Variants in MLLT3 observed in about 807,000 individuals in gnomAD.
MLLT3 encodes MLLT3 super elongation complex subunit.
Under a neutral mutation model 53.2 loss-of-function variants are expected in MLLT3, and 4 were observed. The ratio of observed to expected loss-of-function variants is 0.08; its 90% CI spans 0.04 to 0.17. MLLT3 has a LOEUF of 0.17. Among genes scored for constraint, MLLT3 ranks in the 10% least tolerant of loss-of-function variants. The pLI is 1.00. For missense variants in MLLT3, 569 were observed against 684.0 expected (o/e 0.83, Z 1.87); for synonymous variants, 283 against 230.6 (o/e 1.23, Z -2.06).
intron 2 of MLLT3, among the ~76,000 whole-genome samples, chr9:20,551,973 T>C: frequency 6.6e-6 from 1 of 152,146 alleles, no homozygotes; most frequent in East Asian, 1.9e-4. Context: ...AAATCAACAA[T>C]TACACTTGCT....
intron 2 of MLLT3, among the ~76,000 whole-genome samples, chr9:20,551,614 A>ATC (rs1371872313): frequency 6.6e-6 from 1 of 152,224 alleles, no homozygotes; most frequent in Admixed American, 6.5e-5. Context: ...GAAAGTGCTG[A>ATC]AATTCCAGAA....
chr9:20,605,549 A>G (rs552531599), intron 2 of MLLT3, among the ~76,000 whole-genome samples: 1 of 152,166 alleles, frequency 6.6e-6, no homozygotes, highest in African/African-American at 2.4e-5. Context: ...GTGGGAATAG[A>G]TATGACACAA....
At chr9:20,478,726 T>TCAA (rs1228639425) in intron 2 of MLLT3, among the ~76,000 whole-genome samples, 2 of 152,148 alleles carry the variant, frequency 1.3e-5, no homozygotes, top group Non-Finnish European at 2.9e-5. Context: ...CCGGGGCAAG[T>TCAA]CATTTTAACC....
At chr9:20,495,481 A>C (rs952414770) in intron 2 of MLLT3, among the ~76,000 whole-genome samples, 1 of 152,224 alleles carries the variant, frequency 6.6e-6, no homozygotes, top group African/African-American at 2.4e-5. Context: ...AAAAATCTAC[A>C]GTCAGCAATG....
chr9:20,563,107 G>T (rs960537234), intron 2 of MLLT3, among the ~76,000 whole-genome samples: 1 of 152,084 alleles, frequency 6.6e-6, no homozygotes, highest in Non-Finnish European at 1.5e-5. Flanking sequence ...GCTGGGGAAA[G>T]TTTCCAAGAA....
intron 3 of MLLT3, among the ~76,000 whole-genome samples, chr9:20,456,144 G>C (rs766928363): frequency 6.6e-6 from 1 of 151,884 alleles, no homozygotes; most frequent in African/African-American, 2.4e-5. Context: ...TCACCATGTT[G>C]GCCAGGCTGG....
chr9:20,426,770 C>T (rs889694544), intron 4 of MLLT3, among the ~76,000 whole-genome samples: 2 of 151,816 alleles, frequency 1.3e-5, no homozygotes, highest in African/African-American at 4.8e-5. Flanking sequence ...AACTTCATTG[C>T]TGGGCCGTTA....
intron 4 of MLLT3, among the ~76,000 whole-genome samples, chr9:20,418,788 G>A (rs183276460): frequency 1.3e-5 from 2 of 152,184 alleles, no homozygotes; most frequent in Admixed American, 1.3e-4. Flanking sequence ...CCAGCTTCCA[G>A]GAGAGTTTCA....
At chr9:20,526,111 A>G (rs1198928003) in intron 2 of MLLT3, among the ~76,000 whole-genome samples, 1 of 152,232 alleles carries the variant, frequency 6.6e-6, no homozygotes, top group Admixed American at 6.5e-5. Context: ...ACGTAAAACC[A>G]AAAGATGTGT....
At chr9:20,561,698 G>T (rs564236367) in intron 2 of MLLT3, among the ~76,000 whole-genome samples, 1 of 152,074 alleles carries the variant, frequency 6.6e-6, no homozygotes, top group African/African-American at 2.4e-5. Context: ...ATCTCCACAC[G>T]ACTCAAAGTT....
chr9:20,418,844 A>T (rs1204730837), intron 4 of MLLT3, among the ~76,000 whole-genome samples: 1 of 152,190 alleles, frequency 6.6e-6, no homozygotes, highest in Non-Finnish European at 1.5e-5. Flanking sequence ...AAGGCACTTG[A>T]TACAGGAGGA....
At chr9:20,509,001 C>T (rs951525263) in intron 2 of MLLT3, among the ~76,000 whole-genome samples, 1 of 152,184 alleles carries the variant, frequency 6.6e-6, no homozygotes, top group African/African-American at 2.4e-5. Context: ...CAAGGAATTA[C>T]AGGTCAATGT....
intron 2 of MLLT3, among the ~76,000 whole-genome samples, chr9:20,473,779 G>T (rs1446085117): frequency 2.6e-5 from 4 of 151,948 alleles, no homozygotes; most frequent in African/African-American, 9.7e-5. Flanking sequence ...AAAAAACAAA[G>T]TAGCTGCAGA....
At chr9:20,478,140 C>G (rs3893394) in intron 2 of MLLT3, among the ~76,000 whole-genome samples, 32,999 of 151,976 alleles carry the variant, frequency 0.22, 3,718 homozygotes, top group South Asian at 0.25. Flanking sequence ...TCCTTTGCAA[C>G]TGCTTGGTGA....
intron 4 of MLLT3, among the ~76,000 whole-genome samples, chr9:20,429,912 T>C (rs1417303683): frequency 6.6e-6 from 1 of 152,166 alleles, no homozygotes; most frequent in Admixed American, 6.5e-5. Flanking sequence ...AACTCAGGAC[T>C]GCAAAATGCA....
At chr9:20,611,898 G>A (rs146108651) in intron 2 of MLLT3, among the ~76,000 whole-genome samples, 1 of 152,200 alleles carries the variant, frequency 6.6e-6, no homozygotes, top group East Asian at 1.9e-4. Context: ...GTGAATTGGG[G>A]ACAAAATATC....
At chr9:20,422,375 CA>C (rs1488004984) in intron 4 of MLLT3, among the ~76,000 whole-genome samples, 6 of 152,118 alleles carry the variant, frequency 3.9e-5, no homozygotes, top group Non-Finnish European at 7.4e-5. Flanking sequence ...ATAATAAAGC[CA>C]TTTCTAGACC....
chr9:20,401,898 T>A (rs1401245798), intron 5 of MLLT3, among the ~76,000 whole-genome samples: 4 of 152,222 alleles, frequency 2.6e-5, no homozygotes, highest in Non-Finnish European at 5.9e-5. Context: ...TAGAATATGT[T>A]GTACCTGGGT....
chr9:20,343,182 G>GA lies in MLLT3; in HGVS notation c.*3260_*3261insT, dbSNP rs1820778876. ...TTAGGTGGGCCTGTAAAAGATATCG[G>GA]CAAAAAAAAAAAAAAAAAAAAAAAA... On this transcript the variant is annotated 3_prime_UTR_variant, in exon 11 of 11. Transcript: ENST00000380338. 2.2e-4 allele frequency: 3 copies of GA among 13,510 alleles called. No individual in the cohort carries two copies. The highest frequency in any genetic ancestry group is 5.6e-3 in the South Asian group (1 of 180). The allele number at this position is 13,510 out of a possible 1,614,324, so 0.8% of individuals were successfully genotyped here. A position where few individuals can be genotyped will look rare whatever the true frequency, so the allele number is the denominator to read the frequency against.
Sources: allele counts gnomAD v4.1 joint callset (sites outside exome capture counted in the v4.1 genomes callset), GRCh38; gene constraint gnomAD v4.1.1; transcripts MANE v1.5; gene names NCBI Gene and HGNC (gene_info 2026-07-23, HGNC 2026-07-21).